TRAF3IP1: variants seen among roughly 807,000 people sequenced by gnomAD.
TRAF3IP1 encodes intraflagellar transport 54, also known as TRAF3-interacting protein 1.
A neutral mutation model predicts 89.9 loss-of-function variants in TRAF3IP1; 53 were observed. That is an observed-to-expected ratio of 0.59 (90% confidence interval 0.47 to 0.74). TRAF3IP1 has a LOEUF of 0.74. TRAF3IP1 is among the 30% of genes least tolerant of loss of function. TRAF3IP1 has a pLI of 0.00. For synonymous variants in TRAF3IP1, 311 were observed against 322.1 expected (o/e 0.97, Z 0.37); for missense variants, 806 against 866.1 (o/e 0.93, Z 0.87).
intron 3 of TRAF3IP1, 147 bp from the exon 4 acceptor site, chr2:238,328,539 C>A: frequency 3.0e-6 from 3 of 1,012,018 alleles, no homozygotes; most frequent in Admixed American, 3.1e-5. Context: ...GTGATAATAA[C>A]ATGTTCAAAA....
intron 8 of TRAF3IP1, among the ~76,000 whole-genome samples, chr2:238,342,754 A>C (rs550398579): frequency 1.2e-4 from 18 of 152,328 alleles, no homozygotes; most frequent in African/African-American, 4.3e-4. Flanking sequence ...TAAAATATAA[A>C]TAACTGTTTG....
chr2:238,374,863 T>A (rs1201863993), intron 15 of TRAF3IP1, among the ~76,000 whole-genome samples: 1 of 152,162 alleles, frequency 6.6e-6, no homozygotes, highest in Non-Finnish European at 1.5e-5. Context: ...CTTGGGAGGG[T>A]GTATGTGTCC....
chr2:238,378,078 T>G (rs1327012798), intron 15 of TRAF3IP1, among the ~76,000 whole-genome samples: 1 of 152,068 alleles, frequency 6.6e-6, no homozygotes, highest in Non-Finnish European at 1.5e-5. Context: ...GGCATTTTTC[T>G]TTTTTTAAAT....
At chr2:238,374,624 C>G (rs1480059112) in intron 15 of TRAF3IP1, among the ~76,000 whole-genome samples, 8 of 152,184 alleles carry the variant, frequency 5.3e-5, no homozygotes, top group African/African-American at 1.9e-4. Flanking sequence ...ACTTTGGTAT[C>G]AGGATGATGT....
At chr2:238,360,513 C>G (rs1699611769) in intron 15 of TRAF3IP1, among the ~76,000 whole-genome samples, 1 of 152,162 alleles carries the variant, frequency 6.6e-6, no homozygotes, top group Non-Finnish European at 1.5e-5. Flanking sequence ...GTGGTTGTAT[C>G]ATTTTGCATT....
intron 1 of TRAF3IP1, among the ~76,000 whole-genome samples, chr2:238,323,251 C>G (rs57639265): frequency 0.12 from 17,781 of 152,068 alleles, 1,774 homozygotes; most frequent in African/African-American, 0.27. Flanking sequence ...GCTAATTTTT[C>G]TATTTTTAGT....
intron 9 of TRAF3IP1, among the ~76,000 whole-genome samples, chr2:238,346,506 A>G (rs1183265532): frequency 1.3e-5 from 2 of 152,182 alleles, no homozygotes; most frequent in Non-Finnish European, 2.9e-5. Context: ...TCTCCCTGCC[A>G]GAGCCACCCT....
In TRAF3IP1 at chr2:238,348,302, G is replaced by A. The variant is rs114714073; in HGVS notation, c.1283-462G>A. Among the ~76,000 whole-genome samples, 441 of 152,114 alleles carry A rather than the reference G, an allele frequency of 2.9e-3. 2 individuals carry two copies. Among genetic ancestry groups the A allele is most frequent in the African/African-American group, 0.01 (419 of 41,508 alleles). On this transcript the variant is annotated intron_variant, in intron 10 of 16. Transcript: ENST00000373327. ...ACCCTGTATATATATATATGCATAT[G>A]TATATAATTGTTAGATATATTACTG...
intron 15 of TRAF3IP1, among the ~76,000 whole-genome samples, chr2:238,383,182 C>T (rs1700620584): frequency 6.6e-6 from 1 of 152,210 alleles, no homozygotes; most frequent in Non-Finnish European, 1.5e-5. Flanking sequence ...GTAGGCTGCC[C>T]TCCAGGCAGT....
intron 7 of TRAF3IP1, among the ~76,000 whole-genome samples, 192 bp downstream of exon 7, chr2:238,334,227 G>A (rs187890311): frequency 4.8e-4 from 73 of 152,338 alleles, no homozygotes; most frequent in African/African-American, 1.7e-3. Context: ...GCACAAGTGT[G>A]TGAACTGATG....
chr2:238,384,739 T>G (rs878977578), intron 15 of TRAF3IP1, among the ~76,000 whole-genome samples: 1 of 151,952 alleles, frequency 6.6e-6, no homozygotes, highest in Non-Finnish European at 1.5e-5. Context: ...GAATGGAGTT[T>G]AGAGATTTCA....
At chr2:238,335,466 T>G (rs925207792) in intron 7 of TRAF3IP1, among the ~76,000 whole-genome samples, 2 of 152,168 alleles carry the variant, frequency 1.3e-5, no homozygotes, top group Non-Finnish European at 2.9e-5. Flanking sequence ...ACTTTTTTAT[T>G]TTTACTATTA....
intron 15 of TRAF3IP1, among the ~76,000 whole-genome samples, chr2:238,359,330 G>A (rs1574938051): frequency 1.3e-5 from 2 of 152,150 alleles, no homozygotes; most frequent in South Asian, 2.1e-4. Context: ...TGCCCTTGGT[G>A]AGCCCATCCT....
At chr2:238,369,560 T>C (rs1700019949) in intron 15 of TRAF3IP1, among the ~76,000 whole-genome samples, 1 of 152,178 alleles carries the variant, frequency 6.6e-6, no homozygotes, top group Admixed American at 6.5e-5. Flanking sequence ...GTTTGTGTGG[T>C]GTTTCCTTGT....
chr2:238,337,314 G>C (rs1326822655), intron 7 of TRAF3IP1, among the ~76,000 whole-genome samples: 1 of 152,146 alleles, frequency 6.6e-6, no homozygotes, highest in Non-Finnish European at 1.5e-5. Context: ...AGCTGACTTG[G>C]GTGAAGGAGG....
intron 15 of TRAF3IP1, among the ~76,000 whole-genome samples, chr2:238,378,825 A>T (rs1700430056): frequency 6.6e-6 from 1 of 152,188 alleles, no homozygotes; most frequent in East Asian, 1.9e-4. Context: ...CTGCTGGGTC[A>T]GAAGCCTCTT....
rs764888000 is a variant in TRAF3IP1 at position 238,320,633 on chromosome 2, G to T, written c.-30G>T. The stretch of plus-strand genomic sequence containing the variant: ...GGCTCGGCCAGGCCGGCTGAGGGGC[G>T]CGGGCGGCCAGCGGGCGGCGGACGC... On this transcript the variant is annotated 5_prime_UTR_variant, in exon 1 of 17. Coordinates refer to ENST00000373327, the MANE Select transcript of TRAF3IP1 (RefSeq NM_015650.4). 1 of 1,295,464 alleles carries T rather than the reference G, an allele frequency of 7.7e-7. No homozygotes were observed. Among genetic ancestry groups the T allele is most frequent in the Non-Finnish European group, 1.0e-6 (1 of 1,003,400 alleles). 80.2% of individuals were successfully genotyped at this position (1,295,464 alleles called of 1,614,324 possible).
chr2:238,389,346 G>A (rs1700903351), intron 15 of TRAF3IP1, among the ~76,000 whole-genome samples: 1 of 152,134 alleles, frequency 6.6e-6, no homozygotes, highest in Non-Finnish European at 1.5e-5. Flanking sequence ...GTTGCACCCA[G>A]TGGGTAATTT....
At chr2:238,334,101 C>G (rs1334292843) in intron 7 of TRAF3IP1, 66 bp downstream of exon 7, 7 of 1,168,080 alleles carry the variant, frequency 6.0e-6, no homozygotes, top group East Asian at 2.7e-5. Context: ...TTGTCTTAAT[C>G]TCAATGTCTA....
Sources: gnomAD v4.1 joint callset for allele counts (sites outside exome capture counted in the v4.1 genomes callset) on GRCh38, gnomAD v4.1.1 for gene constraint, MANE v1.5 for transcripts, NCBI Gene and HGNC (gene_info 2026-07-23, HGNC 2026-07-21) for gene names.